Variants in GLG1 observed in about 807,000 individuals in gnomAD.
GLG1 encodes the protein Golgi apparatus protein 1.
In GLG1, 38 loss-of-function variants were observed where a neutral mutation model predicts 160.5. That is an observed-to-expected ratio of 0.24 (90% CI 0.18 to 0.31). The LOEUF (loss-of-function observed/expected upper bound fraction) is 0.31. Ranked by LOEUF, GLG1 falls within the 10% of genes least tolerant of loss-of-function variation. The probability of loss-of-function intolerance (pLI) is 1.00; values close to 1 mark genes in which losing one functional copy is unlikely to be tolerated. For synonymous variants in GLG1, 644 were observed against 543.4 expected, an observed-to-expected ratio of 1.19 and a Z score of -2.57; for missense variants, 1,373 against 1,505.2, an observed-to-expected ratio of 0.91 and a Z score of 1.45.
At chr16:74,589,571 A>G (rs1171504944) in intron 1 of GLG1, among the ~76,000 whole-genome samples, 1 of 152,136 alleles carries the variant, frequency 6.6e-6, no homozygotes, top group African/African-American at 2.4e-5. Flanking sequence ...CCACACCACT[A>G]CACTATTTAT....
chr16:74,521,664 T>C (rs1445867616), intron 2 of GLG1, among the ~76,000 whole-genome samples: 3 of 152,006 alleles, frequency 2.0e-5, no homozygotes, highest in African/African-American at 4.8e-5. Flanking sequence ...AAAGTAGAAA[T>C]GTGGAATCAG....
chr16:74,462,727 A>T, intron 20 of GLG1, 97 bp from the exon 21 acceptor site: 1 of 1,066,332 alleles, frequency 9.4e-7, no homozygotes, highest in African/African-American at 1.6e-5. Context: ...TATGTCAATG[A>T]TCATGACTAC....
At chr16:74,542,263 T>C (rs1176139850) in intron 1 of GLG1, among the ~76,000 whole-genome samples, 1 of 148,080 alleles carries the variant, frequency 6.8e-6, no homozygotes, top group Non-Finnish European at 1.5e-5. Flanking sequence ...TTATCAACTT[T>C]GATATGGCAT....
In GLG1 at chr16:74,492,959, C is replaced by T; in HGVS notation, c.1232G>A (p.Arg411Lys). The change falls in exon 7 of 26, where the codon AGA becomes AAA. Residue 411 changes from arginine (R) to lysine (K), a missense_variant and splice_region_variant. Coordinates refer to ENST00000422840, the MANE Select transcript of GLG1 (RefSeq NM_001145667.2). ...LLMCLESAVH[R>K]GRQVSSECQG... ...TAAAAAAAAAATATGAATGCTACCT[C>T]TGTGTACAGCTGACTCCAGGCACAT... The T allele has an allele frequency of 6.3e-7, 1 of 1,589,900 alleles. No homozygotes were observed. Among genetic ancestry groups the T allele is most frequent in the South Asian group, 1.1e-5 (1 of 87,210 alleles).
At chr16:74,468,038 T>A in intron 17 of GLG1, 190 bp from the exon 18 acceptor site, 1 of 523,086 alleles carries the variant, frequency 1.9e-6, no homozygotes, top group East Asian at 3.1e-5. Flanking sequence ...CCTTGGACCT[T>A]CTTTGCAAAA....
rs572271146 is a variant in GLG1, at chr16:74,521,856, G to T, written c.471+10265C>A. 3.9e-5 allele frequency among the ~76,000 whole-genome samples: 6 copies of T among 152,314 alleles called. No homozygotes were observed. The Middle Eastern group carries it at 0.01, about 259-fold the overall frequency. On this transcript the variant is annotated intron_variant, in intron 2 of 25. Coordinates refer to ENST00000422840, the MANE Select transcript of GLG1 (RefSeq NM_001145667.2). ...ACTATTGTCTAGTCACAGGGGCATG[G>T]AAAGGAGGTGCCTTGGCTCAGAAGC...
rs2143159988 is a variant in GLG1 at position 74,459,664 on chromosome 16, G to C, written c.3144+18C>G. The stretch of plus-strand genomic sequence containing the variant: ...AAAAAAAGAAATGAAGTGAGGAAAA[G>C]AAGGTGACGGTGGTTACCTTTTTAC... On this transcript the variant is annotated intron_variant, in intron 23 of 25. Coordinates refer to ENST00000422840, the MANE Select transcript of GLG1 (RefSeq NM_001145667.2). 8.8e-7 allele frequency: 1 copy of C among 1,134,848 alleles called. No individual in the cohort carries two copies. The highest frequency in any genetic ancestry group is 1.3e-5 in the South Asian group (1 of 75,674). The allele number at this position is 1,134,848 out of a possible 1,614,324, so 70.3% of individuals were successfully genotyped here.
chr16:74,514,969 AG>A lies in GLG1; in HGVS notation c.472-6045del, dbSNP rs2016933807. On this transcript the variant is annotated intron_variant, in intron 2 of 25. Transcript: ENST00000422840. ...ATCTACCAAGCAAATGGAAAGCAAA[AG>A]AAAAAAAAAAGCAGGGGTTGCAATC... is the stretch of plus-strand genomic sequence containing the variant. 2.0e-5 allele frequency among the ~76,000 whole-genome samples: 3 copies of A among 152,240 alleles called. No individual in the cohort carries two copies. In the South Asian group the frequency reaches 6.2e-4, roughly 32 times the overall value.
intron 1 of GLG1, among the ~76,000 whole-genome samples, chr16:74,558,422 G>C (rs189932560): frequency 6.6e-6 from 1 of 152,316 alleles, no homozygotes; most frequent in African/African-American, 2.4e-5. Flanking sequence ...GAAAGTGTGT[G>C]CACAAATGTT....
intron 1 of GLG1, among the ~76,000 whole-genome samples, chr16:74,590,383 C>T (rs1233201292): frequency 8.6e-5 from 13 of 151,730 alleles, no homozygotes. Flanking sequence ...TCTGGGAGGC[C>T]GAAGCAGGCG....
chr16:74,529,812 C>CTTTTTTT (rs1178684020), intron 2 of GLG1, among the ~76,000 whole-genome samples: 7 of 115,792 alleles, frequency 6.0e-5, no homozygotes, highest in African/African-American at 6.5e-5. Context: ...TTTGAGAGTT[C>CTTTTTTT]TTTTTTTTTT....
At chr16:74,567,200 G>GGAGA (rs2018678202) in intron 1 of GLG1, among the ~76,000 whole-genome samples, 1 of 147,358 alleles carries the variant, frequency 6.8e-6, no homozygotes, top group Non-Finnish European at 1.5e-5. Flanking sequence ...TAGGGAGCGG[G>GGAGA]GAGAGAGAGA....
At chr16:74,473,567 GTA>G (rs1457385958) in intron 13 of GLG1, among the ~76,000 whole-genome samples, 6 of 151,064 alleles carry the variant, frequency 4.0e-5, no homozygotes, top group African/African-American at 1.5e-4. Flanking sequence ...AGCCTCCCGA[GTA>G]GCTGGGACTA....
chr16:74,540,073 ATATATATTT>A (rs2017808834), intron 1 of GLG1, among the ~76,000 whole-genome samples: 14 of 882 alleles, frequency 0.016, 7 homozygotes, highest in Non-Finnish European at 0.081. Context: ...TATATATATT[ATATATATTT>A]TATATATATA....
At chr16:74,462,357 G>C in intron 21 of GLG1, 131 bp downstream of exon 21, 1 of 889,966 alleles carries the variant, frequency 1.1e-6, no homozygotes, top group South Asian at 1.6e-5. Flanking sequence ...TGGCCCCTTA[G>C]CCCCCCAGGT....
At chr16:74,526,454 C>A (rs372096522) in intron 2 of GLG1, among the ~76,000 whole-genome samples, 3 of 146,014 alleles carry the variant, frequency 2.1e-5, no homozygotes, top group South Asian at 2.3e-4. Flanking sequence ...CCGGGTATAG[C>A]AGCTTACACC....
intron 21 of GLG1, 116 bp downstream of exon 21, chr16:74,462,372 G>A (rs2014835842): frequency 8.9e-6 from 9 of 1,006,814 alleles, no homozygotes; most frequent in Non-Finnish European, 1.4e-5. Flanking sequence ...CCAGGTTCGG[G>A]AAGATATGAA....
chr16:74,483,026 C>T lies in GLG1; in HGVS notation c.1670G>A (p.Trp557Ter). Reference sequence around the variant, plus strand: ...ACTTTGGCTTCAAAATACTCACTTCCAATCCCGGGAGATGAAATACTGCAG... The same window carrying T: ...ACTTTGGCTTCAAAATACTCACTTCTAATCCCGGGAGATGAAATACTGCAG... ...LELQYFISRD[W>*]KLDPVLYRKC... Residue 557 changes from tryptophan to a stop codon, truncating the protein, a stop_gained, in exon 10 of 26, where the codon TGG becomes TAG. Coordinates refer to ENST00000422840, the MANE Select transcript of GLG1 (RefSeq NM_001145667.2). LOFTEE classifies it high-confidence loss of function. 6.4e-7 allele frequency: 1 copy of T among 1,563,916 alleles called. No individual in the cohort carries two copies. The highest frequency in any genetic ancestry group is 8.8e-7 in the Non-Finnish European group (1 of 1,134,462).
chr16:74,550,955 A>ATAT (rs1426334878), intron 1 of GLG1, among the ~76,000 whole-genome samples: 16 of 152,190 alleles, frequency 1.1e-4, no homozygotes, highest in Non-Finnish European at 2.4e-4. Flanking sequence ...CCAGCCTATC[A>ATAT]AATAAGCTGA....
Sources: allele counts gnomAD v4.1 joint callset (sites outside exome capture counted in the v4.1 genomes callset), GRCh38; gene constraint gnomAD v4.1.1; transcripts MANE v1.5; gene names NCBI Gene and HGNC (gene_info 2026-07-23, HGNC 2026-07-21).